Variants in ANAPC2 observed in about 807,000 individuals in gnomAD.
ANAPC2 encodes the protein anaphase-promoting complex subunit 2.
In ANAPC2, 29 loss-of-function variants were observed where a neutral mutation model predicts 84.3. The ratio of observed to expected loss-of-function variants is 0.34; its 90% CI spans 0.26 to 0.47. The LOEUF (loss-of-function observed/expected upper bound fraction) is 0.47, where lower values mean the gene tolerates loss of function less well. ANAPC2 is among the 20% of genes least tolerant of loss of function. The pLI, the probability that ANAPC2 is intolerant of heterozygous loss-of-function variation, is 1.00. For missense variants in ANAPC2, 857 were observed against 1,131.7 expected (o/e 0.76, Z 3.48); for synonymous variants, 571 against 479.4 (o/e 1.19, Z -2.50).
intron 2 of ANAPC2, chr9:137,187,255 G>C: frequency 1.7e-6 from 1 of 595,370 alleles, no homozygotes. Context: ...AAGCCACATA[G>C]GGCCTTACCA....
At chr9:137,177,563 G>C (rs768345671) in intron 10 of ANAPC2, among the ~76,000 whole-genome samples, 3 of 152,144 alleles carry the variant, frequency 2.0e-5, no homozygotes, top group African/African-American at 2.4e-5. Context: ...TGTGTGGATG[G>C]TAGTTAGATG....
At chr9:137,185,531 T>A (rs1161108422) in intron 3 of ANAPC2, among the ~76,000 whole-genome samples, 1 of 152,174 alleles carries the variant, frequency 6.6e-6, no homozygotes, top group Non-Finnish European at 1.5e-5. Flanking sequence ...TGCTACCCAG[T>A]GGCAAGACCG....
chr9:137,184,802 G>A (rs756556083), intron 4 of ANAPC2, 111 bp downstream of exon 4: 6 of 1,380,410 alleles, frequency 4.3e-6, no homozygotes, highest in Non-Finnish European at 5.9e-6. Context: ...ACACAGAGCA[G>A]ACACGGTGAA....
intron 6 of ANAPC2, 89 bp downstream of exon 6, chr9:137,183,036 A>G: frequency 9.3e-7 from 1 of 1,079,402 alleles, no homozygotes; most frequent in Non-Finnish European, 1.4e-6. Flanking sequence ...TGACGGCCGA[A>G]CACACCCTCC....
At chr9:137,184,280 C>T (rs1332702327) in intron 4 of ANAPC2, among the ~76,000 whole-genome samples, 1 of 150,704 alleles carries the variant, frequency 6.6e-6, no homozygotes, top group Admixed American at 6.6e-5. Context: ...GGCGAAGGCA[C>T]AGGGAGCCCA....
chr9:137,178,460 C>A (rs1355777568), intron 10 of ANAPC2, among the ~76,000 whole-genome samples: 1 of 152,262 alleles, frequency 6.6e-6, no homozygotes, highest in Non-Finnish European at 1.5e-5. Context: ...TGAGTCATGC[C>A]TGGGACCCAA....
rs754303753 is a variant in ANAPC2 at position 137,186,323 on chromosome 9, G to C, written c.774C>G (p.Ala258=). The C allele has an allele frequency of 4.3e-6, 7 of 1,610,298 alleles. No individual in the cohort carries two copies. Among genetic ancestry groups the C allele is most frequent in the African/African-American group, 1.3e-5 (1 of 74,848 alleles). The change falls in exon 3 of 13, where the codon GCC becomes GCG. Residue 258 remains alanine, a synonymous_variant. Transcript: ENST00000323927. ...HRLSLLERVS[A]EAVTTTLHQV... ...GGTGCAGGGTGGTGGTCACAGCCTCGGCACTGACCCGCTCCAGCAGACTGA... is the reference window on the plus strand; with the variant it reads ...GGTGCAGGGTGGTGGTCACAGCCTCCGCACTGACCCGCTCCAGCAGACTGA...
intron 6 of ANAPC2, 90 bp downstream of exon 6, chr9:137,183,035 A>G: frequency 9.3e-7 from 1 of 1,071,394 alleles, no homozygotes; most frequent in Admixed American, 1.9e-5. Context: ...CTGACGGCCG[A>G]ACACACCCTC....
intron 2 of ANAPC2, chr9:137,186,985 G>A: frequency 5.8e-6 from 1 of 172,868 alleles, no homozygotes; most frequent in Admixed American, 5.4e-5. Context: ...CCAAGGGTAT[G>A]ACAATTGCTA....
intron 3 of ANAPC2, 110 bp downstream of exon 3, chr9:137,186,114 G>A (rs370502898): frequency 6.7e-7 from 1 of 1,490,870 alleles, no homozygotes; most frequent in Non-Finnish European, 9.1e-7. Flanking sequence ...ACCCGGTCTG[G>A]GCCCACCCAG....
At position 137,180,771 on chromosome 9, in the gene ANAPC2, C is replaced by A. The variant is rs200816137; in HGVS notation, c.1610+17G>T. The A allele has an allele frequency of 1.1e-5, 17 of 1,606,100 alleles. No homozygotes were observed. The highest frequency in any genetic ancestry group is 1.4e-5 in the Non-Finnish European group (17 of 1,177,786). The stretch of plus-strand genomic sequence containing the variant: ...CCCCGGCACCCCTGGAGATGGCCAG[C>A]GCGTCACAGGCCTCACCGCTCGGGG... On this transcript the variant is annotated intron_variant, in intron 8 of 12. Coordinates refer to ENST00000323927, the MANE Select transcript of ANAPC2 (RefSeq NM_013366.4).
At chr9:137,179,326 C>T (rs894702187) in intron 10 of ANAPC2, among the ~76,000 whole-genome samples, 22 of 152,106 alleles carry the variant, frequency 1.4e-4, no homozygotes, top group African/African-American at 4.1e-4. Flanking sequence ...CCGCCTGTGA[C>T]GACCATCCCG....
At chr9:137,183,065 C>A in intron 6 of ANAPC2, 60 bp downstream of exon 6, 5 of 1,414,656 alleles carry the variant, frequency 3.5e-6, no homozygotes, top group Non-Finnish European at 5.0e-6. Context: ...CCCAGGACCA[C>A]GAGGAGCTCA....
At chr9:137,178,962 C>T (rs1193393584) in intron 10 of ANAPC2, among the ~76,000 whole-genome samples, 1 of 152,224 alleles carries the variant, frequency 6.6e-6, no homozygotes, top group East Asian at 1.9e-4. Flanking sequence ...CTTGGTTTGT[C>T]AACACAGCAA....
In ANAPC2 at chr9:137,180,381, T is replaced by C. The variant is rs758766754; in HGVS notation, c.1690A>G (p.Met564Val). 7.4e-6 allele frequency: 12 copies of C among 1,612,360 alleles called. No individual in the cohort carries two copies. Among genetic ancestry groups the C allele is most frequent in the East Asian group, 2.2e-5 (1 of 44,892 alleles). The change falls in exon 10 of 13, where the codon ATG becomes GTG. Residue 564 changes from methionine (M) to valine (V), a missense_variant. By Grantham distance (21) the Met-to-Val change is conservative. Transcript: ENST00000323927. ...MHFCEVMLKDMADSRRINANI... is the reference protein window; with the variant it reads ...MHFCEVMLKDVADSRRINANI... ...GCATTGATGCGGCGGGAGTCCGCCA[T>C]GTCCTGAGGAGGAGCCGGTGTCACG...
chr9:137,186,738 C>T (rs1834479739), intron 2 of ANAPC2: 1 of 226,356 alleles, frequency 4.4e-6, no homozygotes. Flanking sequence ...ACAGATGCCA[C>T]TGTTTGTGCC....
At chr9:137,177,249 G>A (rs1442796173) in intron 10 of ANAPC2, among the ~76,000 whole-genome samples, 1 of 152,218 alleles carries the variant, frequency 6.6e-6, no homozygotes, top group Non-Finnish European at 1.5e-5. Flanking sequence ...CGGAGCAGGG[G>A]GCCAAAGAGG....
Position 137,187,346 on chromosome 9 carries a change from C to T in ANAPC2, c.740+135G>A. 6 of 1,167,850 alleles carry T rather than the reference C, an allele frequency of 5.1e-6. No individual in the cohort carries two copies. In the South Asian group the frequency reaches 9.3e-5, roughly 18 times the overall value. 72.3% of individuals were successfully genotyped at this position (1,167,850 alleles called of 1,614,324 possible). On this transcript the variant is annotated intron_variant, in intron 2 of 12. Transcript: ENST00000323927. ...TGTCCAGGACACGCTGCACAGGAAT[C>T]CCTGGGACTCTCTCTCTGTCATGTT...
chr9:137,183,854 CAG>C (rs921077446), intron 4 of ANAPC2, 63 bp from the exon 5 acceptor site: 12 of 1,589,546 alleles, frequency 7.5e-6, no homozygotes, highest in Middle Eastern at 1.7e-4. Flanking sequence ...CAGGCTGGTG[CAG>C]AGTGTGTGCG....
Sources: allele counts gnomAD v4.1 joint callset (sites outside exome capture counted in the v4.1 genomes callset), GRCh38; gene constraint gnomAD v4.1.1; transcripts MANE v1.5; gene names NCBI Gene and HGNC (gene_info 2026-07-23, HGNC 2026-07-21).